The following DZANK1 variants were observed in gnomAD, a reference collection of about 807,000 sequenced individuals.
The protein encoded by DZANK1 is double zinc ribbon and ankyrin repeat-containing protein 1.
In DZANK1, 91 loss-of-function variants were observed where a neutral mutation model predicts 94.5. The observed-to-expected ratio is 0.96, with a 90% CI of 0.81 to 1.15. The LOEUF (loss-of-function observed/expected upper bound fraction) is 1.15. Ranked by LOEUF, DZANK1 falls within the 50% of genes most tolerant of loss-of-function variation. The pLI, the probability that DZANK1 is intolerant of heterozygous loss-of-function variation, is 0.00. For synonymous variants in DZANK1, 312 were observed against 325.3 expected (o/e 0.96, Z 0.44); for missense variants, 903 against 916.4 (o/e 0.99, Z 0.19).
At chr20:18,394,530 C>A in intron 15 of DZANK1, 180 bp from the exon 16 acceptor site, 1 of 707,678 alleles carries the variant, frequency 1.4e-6, no homozygotes, top group East Asian at 2.8e-5. Context: ...ATGCTTTGTC[C>A]GTTCTGCCCC....
chr20:18,399,771 C>T (rs1384997508), intron 13 of DZANK1, among the ~76,000 whole-genome samples: 2 of 152,206 alleles, frequency 1.3e-5, no homozygotes, highest in Non-Finnish European at 2.9e-5. Flanking sequence ...CCTTCCCACA[C>T]AGGCTGACCA....
chr20:18,433,525 G>C (rs2058372301), intron 9 of DZANK1, 127 bp downstream of exon 9: 7 of 764,262 alleles, frequency 9.2e-6, no homozygotes, highest in Non-Finnish European at 1.5e-5. Context: ...CTGTGTGACA[G>C]AACAAGATTC....
exon 20 of DZANK1, chr20:18,385,040 C>A: frequency 6.4e-7 from 1 of 1,553,066 alleles, no homozygotes; most frequent in Non-Finnish European, 8.7e-7. Flanking sequence ...GGTGCTCTCT[C>A]TTCCTGCAAG....
chr20:18,443,231 T>C, intron 8 of DZANK1, 116 bp downstream of exon 8: 2 of 761,196 alleles, frequency 2.6e-6, no homozygotes, highest in Non-Finnish European at 4.5e-6. Context: ...AATCAGCCAG[T>C]AATTCTTCAA....
chr20:18,400,103 C>A (rs1332893956), intron 13 of DZANK1, among the ~76,000 whole-genome samples: 1 of 152,156 alleles, frequency 6.6e-6, no homozygotes, highest in Admixed American at 6.5e-5. Context: ...GGAACTAATA[C>A]CCCCTACCTC....
chr20:18,445,796 G>C (rs868267759), intron 7 of DZANK1, among the ~76,000 whole-genome samples: 1 of 152,048 alleles, frequency 6.6e-6, no homozygotes, highest in South Asian at 2.1e-4. Context: ...TTCCTCTGTC[G>C]CACAGGCTGA....
intron 17 of DZANK1, among the ~76,000 whole-genome samples, chr20:18,391,190 C>CA (rs931530754): frequency 5.9e-5 from 9 of 151,690 alleles, no homozygotes; most frequent in African/African-American, 2.2e-4. Flanking sequence ...GACTCTGTCT[C>CA]AAAAAACAAA....
chr20:18,416,113 T>C (rs753338162), intron 10 of DZANK1, among the ~76,000 whole-genome samples: 15 of 152,148 alleles, frequency 9.9e-5, no homozygotes, highest in Non-Finnish European at 2.1e-4. Flanking sequence ...TCAGTCCCAC[T>C]GTAGACCTGG....
exon 10 of DZANK1, chr20:18,427,107 T>G: frequency 6.2e-7 from 1 of 1,613,066 alleles, no homozygotes; most frequent in Non-Finnish European, 8.5e-7. Context: ...GGTGACACAG[T>G]ATCTCAGGTG....
intron 15 of DZANK1, chr20:18,394,680 G>C (rs761464): frequency 3.7e-6 from 2 of 543,980 alleles, no homozygotes; most frequent in Non-Finnish European, 3.6e-6. Context: ...GTCACCTTTA[G>C]ATCCTTTATA....
At chr20:18,416,026 G>A (rs934538324) in intron 10 of DZANK1, among the ~76,000 whole-genome samples, 2 of 152,168 alleles carry the variant, frequency 1.3e-5, no homozygotes, top group Admixed American at 6.5e-5. Flanking sequence ...TCCCAAATGG[G>A]AGTGACAGCA....
chr20:18,451,738 CT>C, intron 6 of DZANK1: 1 of 419,552 alleles, frequency 2.4e-6, no homozygotes, highest in Admixed American at 3.0e-5. Flanking sequence ...AGGACAAACC[CT>C]GAGAGGCAGA....
At chr20:18,412,683 G>T (rs776104671) in exon 13 of DZANK1, 1 of 1,613,188 alleles carries the variant, frequency 6.2e-7, no homozygotes, top group Non-Finnish European at 8.5e-7. Context: ...GGGGTTTATG[G>T]TCACTCATTT....
At chr20:18,405,714 A>G (rs1180250242) in intron 13 of DZANK1, among the ~76,000 whole-genome samples, 1 of 152,248 alleles carries the variant, frequency 6.6e-6, no homozygotes, top group African/African-American at 2.4e-5. Flanking sequence ...GAAAAGCACC[A>G]TTACATGAAC....
At chr20:18,463,522 C>T (rs1344722786) in intron 2 of DZANK1, among the ~76,000 whole-genome samples, 2 of 151,956 alleles carry the variant, frequency 1.3e-5, no homozygotes, top group Non-Finnish European at 2.9e-5. Context: ...AAAAAAAGGT[C>T]TTTTCATATC....
chr20:18,429,519 C>T (rs985263433), intron 9 of DZANK1, among the ~76,000 whole-genome samples: 1 of 152,180 alleles, frequency 6.6e-6, no homozygotes, highest in African/African-American at 2.4e-5. Context: ...GCCACAGACA[C>T]GGCCTCCCCC....
At chr20:18,407,343 T>C (rs1196769539) in intron 13 of DZANK1, among the ~76,000 whole-genome samples, 1 of 152,260 alleles carries the variant, frequency 6.6e-6, no homozygotes, top group African/African-American at 2.4e-5. Context: ...TTCTGGATCT[T>C]ATCTAAGACC....
chr20:18,458,218 T>C lies in DZANK1; in HGVS notation c.263+1935A>G, dbSNP rs547496900. 3.7e-4 allele frequency among the ~76,000 whole-genome samples: 57 copies of C among 152,350 alleles called. No individual in the cohort carries two copies. In the South Asian group the frequency reaches 6.0e-3, roughly 16 times the overall value. On this transcript the variant is annotated intron_variant, in intron 3 of 20. Transcript: ENST00000262547. ...TTTCTTACATGCTCAACTTTTATAT[T>C]TCTTAAAATTTTTGAACCTTGAAGC...
intron 13 of DZANK1, among the ~76,000 whole-genome samples, chr20:18,405,198 A>G (rs2056898898): frequency 6.6e-6 from 1 of 152,184 alleles, no homozygotes; most frequent in South Asian, 2.1e-4. Context: ...CTCTGCCTAT[A>G]AAAAATAAAA....
Sources: gnomAD v4.1 joint callset for allele counts (sites outside exome capture counted in the v4.1 genomes callset) on GRCh38, gnomAD v4.1.1 for gene constraint, MANE v1.5 for transcripts, NCBI Gene and HGNC (gene_info 2026-07-23, HGNC 2026-07-21) for gene names.